The following PAX5 variants were observed in gnomAD, a reference collection of about 807,000 sequenced individuals.
The protein encoded by PAX5 is paired box protein Pax-5.
Under a neutral mutation model 43.7 loss-of-function variants are expected in PAX5, and 9 were observed. That is an observed-to-expected ratio of 0.21 (90% CI 0.12 to 0.36). The LOEUF (loss-of-function observed/expected upper bound fraction) is 0.36, where lower values mean the gene tolerates loss of function less well. Ranked by LOEUF, PAX5 falls within the 10% of genes least tolerant of loss-of-function variation. PAX5 has a pLI of 1.00. For synonymous variants in PAX5, 228 were observed against 214.3 expected (o/e 1.06, Z -0.56); for missense variants, 383 against 532.7 (o/e 0.72, Z 2.77).
chr9:37,014,603 T>C (rs1839233150), intron 3 of PAX5, among the ~76,000 whole-genome samples: 1 of 152,170 alleles, frequency 6.6e-6, no homozygotes, highest in African/African-American at 2.4e-5. Flanking sequence ...CTGGGAATCT[T>C]TGAGATGGGC....
At chr9:36,992,536 A>G (rs1837035196) in intron 5 of PAX5, among the ~76,000 whole-genome samples, 2 of 152,236 alleles carry the variant, frequency 1.3e-5, no homozygotes, top group Non-Finnish European at 2.9e-5. Flanking sequence ...TCTGCTGGGA[A>G]GGGGAGAAGG....
chr9:36,942,883 G>T (rs1832171579), intron 6 of PAX5, among the ~76,000 whole-genome samples: 1 of 152,220 alleles, frequency 6.6e-6, no homozygotes, highest in Non-Finnish European at 1.5e-5. Context: ...GCAGGGCCTG[G>T]TGGCCGGGCA....
intron 9 of PAX5, among the ~76,000 whole-genome samples, chr9:36,842,912 C>T (rs1342248946): frequency 1.3e-5 from 2 of 152,194 alleles, no homozygotes. Flanking sequence ...TGATCCTCAC[C>T]TTGGCCATTC....
chr9:37,008,439 A>G (rs1838650749), intron 3 of PAX5, among the ~76,000 whole-genome samples: 1 of 152,218 alleles, frequency 6.6e-6, no homozygotes, highest in Non-Finnish European at 1.5e-5. Flanking sequence ...AATATCTGAA[A>G]GTTTATTCTG....
chr9:37,029,594 A>T (rs1016326111), intron 1 of PAX5, among the ~76,000 whole-genome samples: 21 of 152,214 alleles, frequency 1.4e-4, no homozygotes, highest in African/African-American at 5.1e-4. Context: ...GACTTCCTGC[A>T]CTGGCTTCAC....
At chr9:36,895,979 C>T (rs1430551606) in intron 7 of PAX5, among the ~76,000 whole-genome samples, 1 of 152,120 alleles carries the variant, frequency 6.6e-6, no homozygotes, top group African/African-American at 2.4e-5. Context: ...TCAGAAAACC[C>T]CGCACTTCCT....
chr9:36,919,549 A>T (rs940686984), intron 7 of PAX5, among the ~76,000 whole-genome samples: 9 of 152,224 alleles, frequency 5.9e-5, no homozygotes, highest in Admixed American at 2.0e-4. Flanking sequence ...ACCATTAAGA[A>T]CATTCACAAT....
At chr9:37,016,587 C>T (rs117706701) in intron 2 of PAX5, among the ~76,000 whole-genome samples, 1 of 152,174 alleles carries the variant, frequency 6.6e-6, no homozygotes, top group Non-Finnish European at 1.5e-5. Flanking sequence ...AATTTCTTTT[C>T]TGAATCTGAG....
intron 7 of PAX5, among the ~76,000 whole-genome samples, chr9:36,906,295 A>G (rs946942192): frequency 3.3e-5 from 5 of 152,084 alleles, no homozygotes; most frequent in African/African-American, 9.6e-5. Flanking sequence ...GGTGAGCCCA[A>G]TGTAACCACA....
At chr9:36,914,735 A>T (rs1213661298) in intron 7 of PAX5, among the ~76,000 whole-genome samples, 1 of 152,132 alleles carries the variant, frequency 6.6e-6, no homozygotes, top group Non-Finnish European at 1.5e-5. Flanking sequence ...CTCGACTGCA[A>T]TGCATCCCTG....
intron 5 of PAX5, among the ~76,000 whole-genome samples, chr9:36,981,185 G>GC (rs55996619): frequency 0.23 from 24,625 of 105,168 alleles, 2,543 homozygotes; most frequent in Non-Finnish European, 0.25. Context: ...AAACAGCAAA[G>GC]CCCCCCCCCC....
intron 6 of PAX5, among the ~76,000 whole-genome samples, chr9:36,924,616 A>G (rs1830433157): frequency 6.6e-6 from 1 of 151,342 alleles, no homozygotes. Flanking sequence ...GCTACTCGGG[A>G]AGCTGAGGCG....
intron 8 of PAX5, among the ~76,000 whole-genome samples, chr9:36,868,004 G>A (rs1825066789): frequency 6.6e-6 from 1 of 152,224 alleles, no homozygotes; most frequent in African/African-American, 2.4e-5. Context: ...GGAGGACAAT[G>A]AGAGTGACAG....
intron 8 of PAX5, among the ~76,000 whole-genome samples, chr9:36,862,662 G>A (rs1336101206): frequency 1.3e-5 from 2 of 152,212 alleles, no homozygotes; most frequent in East Asian, 3.9e-4. Context: ...AAGCAGGTAG[G>A]TGGGCGGCTT....
intron 2 of PAX5, among the ~76,000 whole-genome samples, chr9:37,017,444 G>A (rs1839477167): frequency 6.6e-6 from 1 of 152,142 alleles, no homozygotes; most frequent in Non-Finnish European, 1.5e-5. Flanking sequence ...TAAGAATAAT[G>A]ACCCCTTGCA....
Position 37,012,479 on chromosome 9 carries a change from A to G in PAX5, c.410+2518T>C, listed in dbSNP as rs568127267. Among the ~76,000 whole-genome samples, 3 of 152,306 alleles carry G rather than the reference A, an allele frequency of 2.0e-5. No individual in the cohort carries two copies. The East Asian group carries it at 5.8e-4, about 29-fold the overall frequency. ...CCTTAGAGGCATGGCCTGCCTGGCCATGGCTTTGGACTGGACACTCAGGAC... is the reference window on the plus strand; with the variant it reads ...CCTTAGAGGCATGGCCTGCCTGGCCGTGGCTTTGGACTGGACACTCAGGAC... On this transcript the variant is annotated intron_variant, in intron 3 of 9. Coordinates refer to ENST00000358127, the MANE Select transcript of PAX5 (RefSeq NM_016734.3).
chr9:37,007,623 C>T (rs954304878), intron 3 of PAX5: 1 of 152,170 alleles, frequency 6.6e-6, no homozygotes, highest in Admixed American at 6.5e-5. Flanking sequence ...ATAAAATGTC[C>T]GGTTTCTTTG....
intron 7 of PAX5, among the ~76,000 whole-genome samples, chr9:36,900,517 A>G (rs1478246657): frequency 6.6e-6 from 1 of 152,188 alleles, no homozygotes; most frequent in Non-Finnish European, 1.5e-5. Flanking sequence ...TTTTCTGCTT[A>G]ACAAGCCAGA....
intron 5 of PAX5, among the ~76,000 whole-genome samples, chr9:36,992,559 GTCTT>G (rs912465680): frequency 6.6e-6 from 1 of 152,242 alleles, no homozygotes; most frequent in African/African-American, 2.4e-5. Flanking sequence ...CGGTAGCTAT[GTCTT>G]TCCGTGGGAG....
Sources: gnomAD v4.1 joint callset for allele counts (sites outside exome capture counted in the v4.1 genomes callset) on GRCh38, gnomAD v4.1.1 for gene constraint, MANE v1.5 for transcripts, NCBI Gene and HGNC (gene_info 2026-07-23, HGNC 2026-07-21) for gene names.